LRP4: variants seen among roughly 807,000 people sequenced by gnomAD.
LRP4 encodes LDL receptor related protein 4, also known as low-density lipoprotein receptor-related protein 4.
In LRP4, 95 loss-of-function variants were observed where a neutral mutation model predicts 220.3. The ratio of observed to expected loss-of-function variants is 0.43; its 90% CI spans 0.37 to 0.51. The LOEUF is 0.51. LRP4 is among the 20% of genes least tolerant of loss of function. LRP4 has a pLI of 0.00. For synonymous variants in LRP4, 903 were observed against 954.6 expected (o/e 0.95, Z 1.00); for missense variants, 1,925 against 2,567.0 (o/e 0.75, Z 5.40).
At chr11:46,901,275 C>T (rs2134867222) in intron 2 of LRP4, among the ~76,000 whole-genome samples, 1 of 152,286 alleles carries the variant, frequency 6.6e-6, no homozygotes, top group Admixed American at 6.5e-5. Context: ...ATAAGAAAAA[C>T]ATGAGCAAGA....
At chr11:46,903,920 A>G (rs1463576801) in intron 1 of LRP4, among the ~76,000 whole-genome samples, 1 of 152,070 alleles carries the variant, frequency 6.6e-6, no homozygotes, top group African/African-American at 2.4e-5. Context: ...TTCCCTATTG[A>G]GCATCGAGCT....
At chr11:46,915,688 C>T (rs2134893112) in intron 1 of LRP4, among the ~76,000 whole-genome samples, 1 of 152,318 alleles carries the variant, frequency 6.6e-6, no homozygotes, top group South Asian at 2.1e-4. Context: ...GGACTACAGG[C>T]ATGTGCCACT....
intron 1 of LRP4, among the ~76,000 whole-genome samples, chr11:46,916,118 G>C (rs893779856): frequency 3.9e-5 from 6 of 152,064 alleles, no homozygotes; most frequent in Non-Finnish European, 7.4e-5. Flanking sequence ...CCCATGCTTA[G>C]ACGTTTCTAT....
In LRP4 at chr11:46,918,413, C is replaced by G; in HGVS notation, c.-34G>C. 7.4e-7 allele frequency: 1 copy of G among 1,347,910 alleles called. No homozygotes were observed. The highest frequency in any genetic ancestry group is 9.5e-7 in the Non-Finnish European group (1 of 1,054,526). The allele number at this position is 1,347,910 out of a possible 1,614,324, so 83.5% of individuals were successfully genotyped here. On this transcript the variant is annotated 5_prime_UTR_variant, in exon 1 of 38. Transcript: ENST00000378623. This position sits in a 1 kb window ranked among gnomAD's most constrained non-coding sequence, Gnocchi z 6.0. ...CCGCGCCGCTCGCCCGGGGTCCCGC[C>G]GGCTCCCGCCGGACGGCGCGGCGGA...
At chr11:46,884,022 C>T (rs1166354820) in intron 18 of LRP4, 46 bp from the exon 19 acceptor site, 4 of 1,471,430 alleles carry the variant, frequency 2.7e-6, no homozygotes, top group South Asian at 1.1e-5. Context: ...TGTTCATTCA[C>T]CCTCTTACCT....
Position 46,899,019 on chromosome 11 carries a change from T to A in LRP4, c.561A>T (p.Pro187=). 1 of 1,612,816 alleles carries A rather than the reference T, an allele frequency of 6.2e-7. No individual in the cohort carries two copies. The highest frequency in any genetic ancestry group is 8.5e-7 in the Non-Finnish European group (1 of 1,179,442). Residue 187 remains proline (P), a synonymous_variant, in exon 6 of 38, where the codon CCA becomes CCT. Coordinates refer to ENST00000378623, the MANE Select transcript of LRP4 (RefSeq NM_002334.4). This position sits in a 1 kb window ranked among gnomAD's most constrained non-coding sequence, Gnocchi z 5.9. ...ACTCCTCCAGGTTGCAGGGGGGCGC[T>A]GGCACTGCTGAGGCTGGAGGGAAGG... is the stretch of plus-strand genomic sequence containing the variant. ...SDEENCPSAV[P]APPCNLEEFQ...
Position 46,858,464 on chromosome 11 carries a change from C to T in LRP4, c.*519G>A, listed in dbSNP as rs577891131. The stretch of plus-strand genomic sequence containing the variant: ...TAACACACTTGAGGCTGGAGGTTTC[C>T]CAGATGCCCATACCTGCTGGGCTGA... On this transcript the variant is annotated 3_prime_UTR_variant, in exon 38 of 38. Coordinates refer to ENST00000378623, the MANE Select transcript of LRP4 (RefSeq NM_002334.4). 3.1e-4 allele frequency: 59 copies of T among 190,280 alleles called. No individual in the cohort carries two copies. The highest frequency in any genetic ancestry group is 1.3e-3 in the African/African-American group (58 of 43,330). The allele number at this position is 190,280 out of a possible 1,614,324, so 11.8% of individuals were successfully genotyped here.
chr11:46,916,700 A>G (rs1941951092), intron 1 of LRP4, among the ~76,000 whole-genome samples: 1 of 149,220 alleles, frequency 6.7e-6, no homozygotes, highest in African/African-American at 2.5e-5. Context: ...TTTTAACCCT[A>G]ATTTTTTTTT....
At chr11:46,865,083 C>T in intron 35 of LRP4, 36 bp downstream of exon 35, 1 of 1,536,210 alleles carries the variant, frequency 6.5e-7, no homozygotes, top group Non-Finnish European at 8.8e-7. Context: ...TTCATTACAT[C>T]TTCTTTTCCG....
chr11:46,879,611 T>C (rs1263056815), intron 20 of LRP4, among the ~76,000 whole-genome samples: 1 of 152,142 alleles, frequency 6.6e-6, no homozygotes, highest in Admixed American at 6.6e-5. Context: ...AATTAAAAAA[T>C]AGCAACTTTA....
At chr11:46,902,015 G>T (rs1009323401) in intron 2 of LRP4, among the ~76,000 whole-genome samples, 6 of 151,630 alleles carry the variant, frequency 4.0e-5, no homozygotes, top group Non-Finnish European at 8.8e-5. Flanking sequence ...TTACAGGCAT[G>T]AGCCACTGCG....
intron 2 of LRP4, among the ~76,000 whole-genome samples, chr11:46,901,182 CAG>C (rs1320153991): frequency 6.6e-6 from 1 of 152,136 alleles, no homozygotes; most frequent in East Asian, 1.9e-4. Context: ...GCAGCTAAGA[CAG>C]AGATTCAAAA....
chr11:46,889,281 T>C, intron 16 of LRP4, 130 bp downstream of exon 16: 1 of 1,280,442 alleles, frequency 7.8e-7, no homozygotes, highest in Non-Finnish European at 1.1e-6. Flanking sequence ...TCTTAAGTTC[T>C]TCCTCTCCAG....
chr11:46,887,791 G>A (rs970615593), intron 16 of LRP4, among the ~76,000 whole-genome samples: 3 of 151,750 alleles, frequency 2.0e-5, no homozygotes, highest in East Asian at 1.9e-4. Context: ...AGATCATGCC[G>A]CCACACTCCA....
intron 31 of LRP4, 144 bp from the exon 32 acceptor site, chr11:46,869,276 C>T: frequency 2.5e-6 from 2 of 798,826 alleles, no homozygotes; most frequent in South Asian, 1.5e-5. Flanking sequence ...CATCAACAGA[C>T]ATGACATTGT....
intron 10 of LRP4, 55 bp downstream of exon 10, chr11:46,895,829 G>A: frequency 6.2e-7 from 1 of 1,603,066 alleles, no homozygotes; most frequent in Non-Finnish European, 8.5e-7. Context: ...ACAGCTGCCT[G>A]TCTGCTGCCC....
chr11:46,906,316 C>T lies in LRP4; in HGVS notation c.53-3387G>A, dbSNP rs574978868. 5.3e-5 allele frequency among the ~76,000 whole-genome samples: 8 copies of T among 151,904 alleles called. No individual in the cohort carries two copies. The South Asian group carries it at 1.3e-3, about 24-fold the overall frequency. ...ACTAAAAATACAAAAATTAGCTGGG[C>T]GTGGTGGCGCACGCCTGTAGTCCCA... On this transcript the variant is annotated intron_variant, in intron 1 of 37. Coordinates refer to ENST00000378623, the MANE Select transcript of LRP4 (RefSeq NM_002334.4).
intron 13 of LRP4, 114 bp downstream of exon 13, chr11:46,892,859 C>G: frequency 1.5e-6 from 2 of 1,334,882 alleles, no homozygotes; most frequent in Non-Finnish European, 2.1e-6. Flanking sequence ...CGTGAGCCAC[C>G]GCGCCCAGCT....
At chr11:46,910,652 G>C (rs962759378) in intron 1 of LRP4, among the ~76,000 whole-genome samples, 2 of 147,584 alleles carry the variant, frequency 1.4e-5, no homozygotes, top group Non-Finnish European at 3.0e-5. Flanking sequence ...AAGAGCTTGA[G>C]GCACATGGTA....
Sources: allele counts gnomAD v4.1 joint callset (sites outside exome capture counted in the v4.1 genomes callset), GRCh38; gene constraint gnomAD v4.1.1; non-coding constraint Gnocchi (gnomAD v3.1); transcripts MANE v1.5; gene names NCBI Gene and HGNC (gene_info 2026-07-23, HGNC 2026-07-21).